KCNQ5: variants seen among roughly 807,000 people sequenced by gnomAD.
KCNQ5 encodes the protein potassium voltage-gated channel subfamily KQT member 5.
A neutral mutation model predicts 98.2 loss-of-function variants in KCNQ5; 30 were observed. That is an observed-to-expected ratio of 0.31 (90% CI 0.23 to 0.41). KCNQ5 has a LOEUF of 0.41. Among genes scored for constraint, KCNQ5 ranks in the 10% least tolerant of loss-of-function variants. The probability of loss-of-function intolerance (pLI) is 1.00; values close to 1 mark genes in which losing one functional copy is unlikely to be tolerated. For missense variants in KCNQ5, 835 were observed against 1,182.5 expected (o/e 0.71, Z 4.31); for synonymous variants, 458 against 449.4 (o/e 1.02, Z -0.24).
chr6:72,653,285 C>T (rs1208376469), intron 1 of KCNQ5, among the ~76,000 whole-genome samples: 1 of 151,770 alleles, frequency 6.6e-6, no homozygotes, highest in East Asian at 1.9e-4. Context: ...TTCTTTCTTT[C>T]CTGAGTGCTT....
At chr6:73,051,705 CAAAAAAAAAA>C (rs201199934) in intron 3 of KCNQ5, among the ~76,000 whole-genome samples, 76,587 of 97,638 alleles carry the variant, frequency 0.78, 28,918 homozygotes, top group South Asian at 0.88. Context: ...AAGATAGAGG[CAAAAAAAAAA>C]AAAAAAAAAA....
At chr6:72,911,086 A>G (rs1430326202) in intron 1 of KCNQ5, among the ~76,000 whole-genome samples, 2 of 152,218 alleles carry the variant, frequency 1.3e-5, no homozygotes, top group Non-Finnish European at 2.9e-5. Context: ...TGGAAAGCCG[A>G]TGAAGGCTTT....
At chr6:72,733,319 A>G (rs1258841921) in intron 1 of KCNQ5, among the ~76,000 whole-genome samples, 1 of 152,198 alleles carries the variant, frequency 6.6e-6, no homozygotes, top group Admixed American at 6.5e-5. Flanking sequence ...GTAAAGAAAA[A>G]CACTTCAAAT....
chr6:72,956,939 G>A (rs756572721), intron 1 of KCNQ5, among the ~76,000 whole-genome samples: 4 of 151,914 alleles, frequency 2.6e-5, no homozygotes, highest in Non-Finnish European at 5.9e-5. Context: ...CTATTTAAAG[G>A]TTCCTGAAAA....
chr6:72,777,810 T>C (rs1773235106), intron 1 of KCNQ5, among the ~76,000 whole-genome samples: 1 of 152,202 alleles, frequency 6.6e-6, no homozygotes, highest in African/African-American at 2.4e-5. Flanking sequence ...GGCCATCATC[T>C]TGAATCTCTG....
chr6:72,645,212 A>AC (rs1765526493), intron 1 of KCNQ5, among the ~76,000 whole-genome samples: 1 of 142,462 alleles, frequency 7.0e-6, no homozygotes, highest in Admixed American at 7.0e-5. Flanking sequence ...ACCAAAAAAA[A>AC]ACAAAAAAAA....
At chr6:72,974,342 TTC>T (rs1768047566) in intron 1 of KCNQ5, among the ~76,000 whole-genome samples, 1 of 151,554 alleles carries the variant, frequency 6.6e-6, no homozygotes, top group Admixed American at 6.6e-5. Context: ...CTATAAATCT[TTC>T]TCTCTTCCCT....
intron 1 of KCNQ5, among the ~76,000 whole-genome samples, chr6:73,002,800 C>G (rs1769643968): frequency 6.6e-6 from 1 of 152,156 alleles, no homozygotes; most frequent in Non-Finnish European, 1.5e-5. Context: ...TTTACACAAA[C>G]AGGCATTAGG....
chr6:73,159,410 T>G (rs902012147), intron 10 of KCNQ5, among the ~76,000 whole-genome samples: 3 of 152,160 alleles, frequency 2.0e-5, no homozygotes, highest in Non-Finnish European at 4.4e-5. Context: ...TCCTGGGTGA[T>G]TAAATAATCT....
intron 1 of KCNQ5, among the ~76,000 whole-genome samples, chr6:72,726,895 G>A (rs1039178397): frequency 2.6e-5 from 4 of 152,078 alleles, no homozygotes; most frequent in Non-Finnish European, 4.4e-5. Flanking sequence ...AGGTTGCAGC[G>A]CAGTGGCGTG....
At chr6:72,823,711 C>G (rs1775862085) in intron 1 of KCNQ5, among the ~76,000 whole-genome samples, 1 of 152,076 alleles carries the variant, frequency 6.6e-6, no homozygotes, top group African/African-American at 2.4e-5. Context: ...CTGTGACACC[C>G]CCGAAGTTGC....
chr6:72,786,394 C>T (rs1470563217), intron 1 of KCNQ5, among the ~76,000 whole-genome samples: 2 of 152,192 alleles, frequency 1.3e-5, no homozygotes, highest in African/African-American at 4.8e-5. Flanking sequence ...ATGTTCTACA[C>T]ATGCACCCCA....
intron 1 of KCNQ5, among the ~76,000 whole-genome samples, chr6:72,879,301 T>G (rs925549250): frequency 6.6e-6 from 1 of 152,194 alleles, no homozygotes; most frequent in African/African-American, 2.4e-5. Context: ...TGTCAAATGT[T>G]TTAATTTTTT....
In KCNQ5 at chr6:72,913,563, AT is replaced by A. The variant is rs1178674020; in HGVS notation, c.399-90344del. Among the ~76,000 whole-genome samples the A allele has an allele frequency of 2.0e-5, 3 of 152,228 alleles. No homozygotes were observed. The South Asian group carries it at 6.2e-4, about 32-fold the overall frequency. On this transcript the variant is annotated intron_variant, in intron 1 of 13. Transcript: ENST00000370398. ...TACAGACACTATTGTGATTAGAAAA[AT>A]ACAAATTCATTCCAAGGCATTACCA... is the stretch of plus-strand genomic sequence containing the variant.
chr6:73,064,744 T>C (rs1164372285), intron 3 of KCNQ5, among the ~76,000 whole-genome samples: 1 of 152,164 alleles, frequency 6.6e-6, no homozygotes, highest in Non-Finnish European at 1.5e-5. Flanking sequence ...CCCTAAACCA[T>C]GTTCTAAAGC....
chr6:72,736,681 A>T (rs2207269), intron 1 of KCNQ5, among the ~76,000 whole-genome samples: 52,321 of 145,500 alleles, frequency 0.36, 12,598 homozygotes, highest in African/African-American at 0.66. Flanking sequence ...TTGTATTTTT[A>T]GTAGAGACGG....
intron 2 of KCNQ5, among the ~76,000 whole-genome samples, chr6:73,039,498 T>C (rs967475606): frequency 3.9e-5 from 6 of 152,174 alleles, no homozygotes; most frequent in South Asian, 2.1e-4. Flanking sequence ...TACTGCATCC[T>C]ACATATTTTG....
intron 3 of KCNQ5, 119 bp from the exon 4 acceptor site, chr6:73,077,203 A>G: frequency 1.0e-6 from 1 of 976,014 alleles, no homozygotes; most frequent in Non-Finnish European, 1.5e-6. Flanking sequence ...GCAGCTGGGA[A>G]TCAAGATCTG....
intron 11 of KCNQ5, among the ~76,000 whole-genome samples, chr6:73,188,312 G>C (rs1253000266): frequency 1.3e-5 from 2 of 152,202 alleles, no homozygotes; most frequent in Admixed American, 6.5e-5. Flanking sequence ...ATCTTATCAA[G>C]TGCTATTGAA....
Sources: gnomAD v4.1 joint callset for allele counts (sites outside exome capture counted in the v4.1 genomes callset) on GRCh38, gnomAD v4.1.1 for gene constraint, MANE v1.5 for transcripts, NCBI Gene and HGNC (gene_info 2026-07-23, HGNC 2026-07-21) for gene names.